The following DACH1 variants were observed in gnomAD, a reference collection of about 807,000 sequenced individuals.
DACH1 encodes the protein dachshund homolog 1.
A neutral mutation model predicts 54.2 loss-of-function variants in DACH1; 12 were observed. That is an observed-to-expected ratio of 0.22 (90% CI 0.14 to 0.36). The LOEUF is 0.36. Among genes scored for constraint, DACH1 ranks in the 10% least tolerant of loss-of-function variants. The pLI, the probability that DACH1 is intolerant of heterozygous loss-of-function variation, is 1.00. For synonymous variants in DACH1, 386 were observed against 366.2 expected (o/e 1.05, Z -0.62); for missense variants, 805 against 929.8 (o/e 0.87, Z 1.75).
chr13:71,542,168 T>A (rs1030519506), intron 6 of DACH1, among the ~76,000 whole-genome samples: 10 of 151,980 alleles, frequency 6.6e-5, no homozygotes, highest in Non-Finnish European at 1.3e-4. Flanking sequence ...GAGAATCTCT[T>A]GAACCCAGGA....
chr13:71,542,386 A>C (rs760422375), intron 6 of DACH1, among the ~76,000 whole-genome samples: 1 of 152,138 alleles, frequency 6.6e-6, no homozygotes, highest in Non-Finnish European at 1.5e-5. Flanking sequence ...CAATATGAAA[A>C]TATAACTTAT....
Position 71,479,290 on chromosome 13 carries a change from A to G in DACH1, c.1749T>C (p.Asn583=), listed in dbSNP as rs1174538150. 6.2e-7 allele frequency: 1 copy of G among 1,613,482 alleles called. No individual in the cohort carries two copies. The highest frequency in any genetic ancestry group is 1.1e-5 in the South Asian group (1 of 90,954). The part of the protein sequence containing the change: ...IQGLLKVAID[N]ARAQEKQVQL... ...GGACCTGTTTCTCTTGAGCTCTGGC[A>G]TTATCTATGGCAACTTTCAACAGCC... The change falls in exon 8 of 11, where the codon AAT becomes AAC. Residue 583 remains asparagine (N), a synonymous_variant. Transcript: ENST00000613252.
Position 71,593,446 on chromosome 13 carries a change from CTAATA to C in DACH1, c.1127-20439_1127-20435del, listed in dbSNP as rs139217734. Among the ~76,000 whole-genome samples the C allele has an allele frequency of 3.9e-3, 591 of 152,140 alleles. 4 individuals are homozygous for C. The highest frequency in any genetic ancestry group is 6.6e-3 in the Non-Finnish European group (447 of 67,952). On this transcript the variant is annotated intron_variant, in intron 3 of 10. Transcript: ENST00000613252. ...GCCAACCCATTTCCAGATGACTTAG[CTAATA>C]TGTTTTAACTGGTAAATGAAAGCCA...
chr13:71,825,687 T>C (rs757344848), intron 1 of DACH1, among the ~76,000 whole-genome samples: 5 of 152,100 alleles, frequency 3.3e-5, no homozygotes, highest in African/African-American at 4.8e-5. Context: ...CCACATTTTA[T>C]TTATCTATTC....
intron 6 of DACH1, among the ~76,000 whole-genome samples, chr13:71,497,337 CT>C (rs576473365): frequency 5.2e-4 from 76 of 145,720 alleles, no homozygotes; most frequent in African/African-American, 5.5e-4. Context: ...TGGTTTCTTC[CT>C]TTTTTTTTTT....
intron 3 of DACH1, among the ~76,000 whole-genome samples, chr13:71,583,105 A>AT (rs542514605): frequency 6.6e-6 from 1 of 152,180 alleles, no homozygotes; most frequent in Non-Finnish European, 1.5e-5. Flanking sequence ...AAATTTAAAC[A>AT]TTTTTATTCT....
intron 10 of DACH1, among the ~76,000 whole-genome samples, chr13:71,470,084 A>T (rs1260791389): frequency 6.6e-6 from 1 of 152,234 alleles, no homozygotes; most frequent in Non-Finnish European, 1.5e-5. Context: ...TTACTTAAAA[A>T]GTGAAAGCAA....
intron 1 of DACH1, among the ~76,000 whole-genome samples, chr13:71,823,791 T>C (rs1476991477): frequency 2.6e-5 from 4 of 152,032 alleles, no homozygotes; most frequent in East Asian, 3.8e-4. Flanking sequence ...AATGATCATA[T>C]GAAAGTATTT....
chr13:71,849,399 G>C (rs531366708), intron 1 of DACH1, among the ~76,000 whole-genome samples: 1 of 152,138 alleles, frequency 6.6e-6, no homozygotes, highest in Non-Finnish European at 1.5e-5. Context: ...GAGACCTGCC[G>C]TTACACAAGC....
At chr13:71,627,493 G>T (rs1213723341) in intron 3 of DACH1, among the ~76,000 whole-genome samples, 2 of 152,038 alleles carry the variant, frequency 1.3e-5, no homozygotes, top group Non-Finnish European at 2.9e-5. Flanking sequence ...CCTCTGAAGG[G>T]TTTCACTACT....
intron 1 of DACH1, among the ~76,000 whole-genome samples, chr13:71,848,888 T>G (rs549763919): frequency 7.9e-5 from 12 of 152,258 alleles, no homozygotes; most frequent in Non-Finnish European, 1.2e-4. Flanking sequence ...CTAATCGCAT[T>G]CCTATCTTCA....
chr13:71,549,980 T>C (rs896952216), intron 6 of DACH1, among the ~76,000 whole-genome samples: 2 of 152,166 alleles, frequency 1.3e-5, no homozygotes, highest in African/African-American at 4.8e-5. Context: ...AAATAGCTGA[T>C]TAATGTAGTT....
At chr13:71,630,860 C>A (rs1326669706) in intron 2 of DACH1, 143 bp from the exon 3 acceptor site, 1 of 930,538 alleles carries the variant, frequency 1.1e-6, no homozygotes, top group Non-Finnish European at 1.5e-6. Context: ...ATACTCATTC[C>A]CAACTAGACA....
intron 2 of DACH1, chr13:71,675,597 G>A: frequency 1.6e-6 from 1 of 624,194 alleles, no homozygotes; most frequent in Non-Finnish European, 2.8e-6. Flanking sequence ...AGGTACCTAA[G>A]TCTATGATTG....
In DACH1 at chr13:71,609,162, T is replaced by C. The variant is rs569027451; in HGVS notation, c.1126+21394A>G. On this transcript the variant is annotated intron_variant, in intron 3 of 10. Transcript: ENST00000613252. The stretch of plus-strand genomic sequence containing the variant: ...CACCAATAAATATGATAGATTAATA[T>C]GAAGTTTATTATTATGTGCCTAGTT... 2.0e-5 allele frequency among the ~76,000 whole-genome samples: 3 copies of C among 152,214 alleles called. No individual in the cohort carries two copies. The South Asian group carries it at 6.2e-4, about 32-fold the overall frequency.
intron 3 of DACH1, among the ~76,000 whole-genome samples, chr13:71,604,705 T>G (rs1219629425): frequency 3.9e-5 from 6 of 151,914 alleles, no homozygotes; most frequent in Non-Finnish European, 4.4e-5. Context: ...AGAGTAAAAC[T>G]AGACACCTTA....
chr13:71,712,459 G>A (rs1251841219), intron 1 of DACH1, among the ~76,000 whole-genome samples: 2 of 151,952 alleles, frequency 1.3e-5, no homozygotes, highest in Non-Finnish European at 2.9e-5. Flanking sequence ...TAGGCTCAGA[G>A]GACAAAATGT....
intron 6 of DACH1, among the ~76,000 whole-genome samples, chr13:71,552,825 ATATAT>A (rs1883935014): frequency 1.7e-5 from 1 of 57,270 alleles, no homozygotes; most frequent in Non-Finnish European, 3.3e-5. Context: ...ATATATATAT[ATATAT>A]ATATATATAT....
chr13:71,500,944 C>T (rs567727059), intron 6 of DACH1, among the ~76,000 whole-genome samples: 1 of 152,032 alleles, frequency 6.6e-6, no homozygotes, highest in African/African-American at 2.4e-5. Flanking sequence ...GACCACAGAC[C>T]CCTTTATCTT....
Sources: allele counts gnomAD v4.1 joint callset (sites outside exome capture counted in the v4.1 genomes callset), GRCh38; gene constraint gnomAD v4.1.1; transcripts MANE v1.5; gene names NCBI Gene and HGNC (gene_info 2026-07-23, HGNC 2026-07-21).